Variants in ISY1 observed in about 807,000 individuals in gnomAD.
ISY1 encodes the protein pre-mRNA-splicing factor ISY1 homolog.
ISY1 carries 12 observed loss-of-function variants against 54.4 expected under a neutral mutation model. The ratio of observed to expected loss-of-function variants is 0.22; its 90% CI spans 0.14 to 0.36. The LOEUF (loss-of-function observed/expected upper bound fraction) is 0.36, where lower values mean the gene tolerates loss of function less well. ISY1 is among the 10% of genes least tolerant of loss of function. ISY1 has a pLI of 1.00. For missense variants in ISY1, 282 were observed against 342.2 expected (o/e 0.82, Z 1.39); for synonymous variants, 96 against 117.9 (o/e 0.81, Z 1.20).
At chr3:129,150,351 T>C (rs1576887117) in intron 5 of ISY1, among the ~76,000 whole-genome samples, 1 of 152,188 alleles carries the variant, frequency 6.6e-6, no homozygotes. Flanking sequence ...TCGGGTCTTC[T>C]TTGGTTTCTT....
intron 9 of ISY1, among the ~76,000 whole-genome samples, chr3:129,131,316 G>A (rs1356520204): frequency 1.3e-5 from 2 of 152,184 alleles, no homozygotes; most frequent in Non-Finnish European, 2.9e-5. Flanking sequence ...GAGAAACACT[G>A]CACGGGAACA....
At chr3:129,148,760 G>C (rs1256621427) in intron 5 of ISY1, among the ~76,000 whole-genome samples, 1 of 151,854 alleles carries the variant, frequency 6.6e-6, no homozygotes, top group Non-Finnish European at 1.5e-5. Flanking sequence ...GTAGAGATGG[G>C]ATTTTGCCAT....
chr3:129,134,893 A>G lies in ISY1; in HGVS notation c.480T>C (p.Tyr160=). 1 of 1,611,852 alleles carries G rather than the reference A, an allele frequency of 6.2e-7. No individual in the cohort carries two copies. Among genetic ancestry groups the G allele is most frequent in the African/African-American group, 1.3e-5 (1 of 75,004 alleles). The change falls in exon 8 of 11, where the codon TAT becomes TAC. Residue 160 remains tyrosine, a synonymous_variant. Coordinates refer to ENST00000393295, the MANE Select transcript of ISY1 (RefSeq NM_020701.4). The part of the protein sequence containing the change: ...ELMKAIDFEY[Y]GYLDEDDGVI... ...CACCATCATCTTCATCTAGGTAACCATAGTACTCAAAATCGATTGCCTTCA... is the reference window on the plus strand; with the variant it reads ...CACCATCATCTTCATCTAGGTAACCGTAGTACTCAAAATCGATTGCCTTCA...
At chr3:129,143,642 A>G (rs1195806530) in intron 6 of ISY1, among the ~76,000 whole-genome samples, 2 of 151,324 alleles carry the variant, frequency 1.3e-5, no homozygotes, top group Non-Finnish European at 2.9e-5. Flanking sequence ...AATTTCTATA[A>G]TGTATATACT....
At position 129,130,010 on chromosome 3, in the gene ISY1, G is replaced by A; in HGVS notation, c.*71C>T. ...GCAGGAGCCCTTGCAGCACCAGCCTGTGTCTGCAGCCCTGGGTCCTGAGGT... is the reference window on the plus strand; with the variant it reads ...GCAGGAGCCCTTGCAGCACCAGCCTATGTCTGCAGCCCTGGGTCCTGAGGT... On this transcript the variant is annotated 3_prime_UTR_variant, in exon 11 of 11. Transcript: ENST00000393295. 1 of 1,229,812 alleles carries A rather than the reference G, an allele frequency of 8.1e-7. No individual in the cohort carries two copies. The highest frequency in any genetic ancestry group is 1.1e-6 in the Non-Finnish European group (1 of 884,426). 76.2% of individuals were successfully genotyped at this position (1,229,812 alleles called of 1,614,324 possible).
chr3:129,130,996 G>A (rs569527806), intron 9 of ISY1, among the ~76,000 whole-genome samples: 19 of 152,330 alleles, frequency 1.2e-4, no homozygotes, highest in African/African-American at 4.6e-4. Context: ...GTAAAAGAAT[G>A]TACCATGCAT....
intron 6 of ISY1, among the ~76,000 whole-genome samples, chr3:129,141,883 T>C (rs1936627305): frequency 6.6e-6 from 1 of 152,022 alleles, no homozygotes; most frequent in South Asian, 2.1e-4. Context: ...AAATGAAATA[T>C]ATCCAGAAGA....
chr3:129,157,092 G>A (rs1276055506), intron 3 of ISY1, among the ~76,000 whole-genome samples, 172 bp from the exon 4 acceptor site: 2 of 152,150 alleles, frequency 1.3e-5, no homozygotes, highest in East Asian at 1.9e-4. Context: ...TCTCTCCTTA[G>A]GAAAAACATT....
At chr3:129,155,900 C>T (rs998248039) in intron 5 of ISY1, among the ~76,000 whole-genome samples, 3 of 151,820 alleles carry the variant, frequency 2.0e-5, no homozygotes, top group African/African-American at 7.3e-5. Flanking sequence ...TTTGTATTTT[C>T]AGTAGAGGTG....
At chr3:129,158,954 A>G (rs1156899860) in intron 2 of ISY1, among the ~76,000 whole-genome samples, 200 bp downstream of exon 2, 3 of 152,208 alleles carry the variant, frequency 2.0e-5, no homozygotes, top group Non-Finnish European at 2.9e-5. Context: ...TAAGTTCTGG[A>G]AACTGTGAGA....
At chr3:129,155,483 C>T (rs539911569) in intron 5 of ISY1, among the ~76,000 whole-genome samples, 3 of 151,350 alleles carry the variant, frequency 2.0e-5, no homozygotes, top group South Asian at 4.2e-4. Flanking sequence ...TGTGAGCCAC[C>T]GCACCAGGCC....
chr3:129,138,436 C>A (rs1347504269), intron 7 of ISY1, among the ~76,000 whole-genome samples: 1 of 151,558 alleles, frequency 6.6e-6, no homozygotes, highest in Non-Finnish European at 1.5e-5. Flanking sequence ...GAGATCGAGA[C>A]CATCCTGGCT....
Position 129,134,814 on chromosome 3 carries a change from A to C in ISY1, c.541+18T>G. 1.3e-6 allele frequency: 2 copies of C among 1,595,176 alleles called. No homozygotes were observed. The highest frequency in any genetic ancestry group is 1.7e-6 in the Non-Finnish European group (2 of 1,169,880). The stretch of plus-strand genomic sequence containing the variant: ...AACAGATGCCATCTATTATGAAATA[A>C]AATGCCCAGAGACCTACGTTTCTTT... On this transcript the variant is annotated intron_variant, in intron 8 of 10. Transcript: ENST00000393295.
In ISY1 at chr3:129,148,693, T is replaced by A. The variant is rs759214209; in HGVS notation, c.188-2820A>T. Among the ~76,000 whole-genome samples, 4 of 152,300 alleles carry A rather than the reference T, an allele frequency of 2.6e-5. No homozygotes were observed. In the South Asian group the frequency reaches 8.3e-4, roughly 32 times the overall value. ...TATCCTCATGCCTCAGCCTCCCAAG[T>A]AGTTGGGATTACAGGCGTGAGCCAC... On this transcript the variant is annotated intron_variant, in intron 5 of 10. Coordinates refer to ENST00000393295, the MANE Select transcript of ISY1 (RefSeq NM_020701.4).
chr3:129,157,621 T>C (rs374752290), intron 3 of ISY1, among the ~76,000 whole-genome samples: 17 of 147,540 alleles, frequency 1.2e-4, no homozygotes, highest in African/African-American at 3.8e-4. Context: ...CTCAGGAGGC[T>C]GAGGCAGGGG....
At chr3:129,148,985 TG>T (rs1936854104) in intron 5 of ISY1, among the ~76,000 whole-genome samples, 2 of 152,324 alleles carry the variant, frequency 1.3e-5, no homozygotes, top group African/African-American at 4.8e-5. Flanking sequence ...TCCATTGAAT[TG>T]TTTTCATAAC....
At chr3:129,141,234 A>AAAT (rs1560017079) in intron 6 of ISY1, among the ~76,000 whole-genome samples, 1 of 136,882 alleles carries the variant, frequency 7.3e-6, no homozygotes. Flanking sequence ...AATAAATAAA[A>AAAT]AACACTTATG....
chr3:129,152,047 T>C (rs1936987388), intron 5 of ISY1, among the ~76,000 whole-genome samples: 1 of 151,966 alleles, frequency 6.6e-6, no homozygotes, highest in Non-Finnish European at 1.5e-5. Context: ...TAATCCCAGC[T>C]ACTCGGGAGG....
intron 5 of ISY1, among the ~76,000 whole-genome samples, chr3:129,153,154 C>T (rs1937027940): frequency 6.6e-6 from 1 of 151,952 alleles, no homozygotes; most frequent in East Asian, 1.9e-4. Context: ...GGATTACACG[C>T]ATGCGTCACC....
Sources: allele counts gnomAD v4.1 joint callset (sites outside exome capture counted in the v4.1 genomes callset), GRCh38; gene constraint gnomAD v4.1.1; transcripts MANE v1.5; gene names NCBI Gene and HGNC (gene_info 2026-07-23, HGNC 2026-07-21).